Variants in SPATA9 observed in about 807,000 individuals in gnomAD.
SPATA9 encodes spermatogenesis-associated protein 9.
A neutral mutation model predicts 25.5 loss-of-function variants in SPATA9; 27 were observed. The observed-to-expected ratio is 1.06, with a 90% CI of 0.78 to 1.46. The LOEUF is 1.46. Among genes scored for constraint, SPATA9 ranks in the 40% most tolerant of loss-of-function variants. SPATA9 has a pLI of 0.00. For synonymous variants in SPATA9, 102 were observed against 105.7 expected (o/e 0.97, Z 0.21); for missense variants, 282 against 297.5 (o/e 0.95, Z 0.38).
chr5:95,718,765 C>G, the SPATA9 span, among the ~76,000 whole-genome samples: 1 of 152,156 alleles, frequency 6.6e-6, no homozygotes, highest in East Asian at 1.9e-4. Flanking sequence ...GCTATGAGAA[C>G]AGACAAGAGA....
chr5:95,652,943 C>G, downstream of SPATA9: 1 of 803,790 alleles, frequency 1.2e-6, no homozygotes, highest in Non-Finnish European at 1.8e-6. Flanking sequence ...TCACACTTTC[C>G]TGCTTTATAC....
At chr5:95,722,040 G>A in the SPATA9 span, among the ~76,000 whole-genome samples, 1 of 152,094 alleles carries the variant, frequency 6.6e-6, no homozygotes, top group Admixed American at 6.5e-5. Context: ...AGAAAAATGA[G>A]GACCAAATGT....
the SPATA9 span, among the ~76,000 whole-genome samples, chr5:95,729,831 T>C: frequency 6.6e-6 from 1 of 152,236 alleles, no homozygotes; most frequent in Non-Finnish European, 1.5e-5. Context: ...ATCCATGTTG[T>C]AGTTTATGAA....
chr5:95,732,041 C>T, the SPATA9 span: 7 of 1,614,038 alleles, frequency 4.3e-6, no homozygotes, highest in African/African-American at 1.3e-5. Flanking sequence ...CAGGCCAGTG[C>T]GTTTGGGAAT....
At chr5:95,692,126 GC>G (rs1753910320) in intron 1 of SPATA9, among the ~76,000 whole-genome samples, 5 of 151,686 alleles carry the variant, frequency 3.3e-5, no homozygotes, top group Admixed American at 3.3e-4. Flanking sequence ...TTGGTCTATG[GC>G]TTTTTTTTGT....
downstream of SPATA9, chr5:95,652,802 C>T (rs1011570844): frequency 3.0e-6 from 1 of 336,172 alleles, no homozygotes; most frequent in Admixed American, 4.6e-5. Flanking sequence ...TCCCCTACAG[C>T]ATCAACCCCC....
At chr5:95,709,796 A>G in the SPATA9 span, among the ~76,000 whole-genome samples, 2 of 152,082 alleles carry the variant, frequency 1.3e-5, no homozygotes, top group Non-Finnish European at 2.9e-5. Flanking sequence ...TCTTCTGGCA[A>G]GTTTTTTCGG....
intron 1 of SPATA9, among the ~76,000 whole-genome samples, chr5:95,694,760 A>G (rs1378078389): frequency 1.3e-5 from 2 of 152,242 alleles, no homozygotes; most frequent in Admixed American, 6.5e-5. Flanking sequence ...CCACTTTGAC[A>G]TAAGAATTAT....
intron 3 of SPATA9, among the ~76,000 whole-genome samples, chr5:95,669,253 T>C (rs1752119521): frequency 6.6e-6 from 1 of 152,202 alleles, no homozygotes; most frequent in South Asian, 2.1e-4. Flanking sequence ...CTGTATGTCT[T>C]CAAGAGCCCA....
At chr5:95,711,266 T>C in the SPATA9 span, among the ~76,000 whole-genome samples, 6 of 152,270 alleles carry the variant, frequency 3.9e-5, no homozygotes, top group African/African-American at 1.4e-4. Context: ...TATTGGCTGA[T>C]GCAAGGAAGT....
chr5:95,727,674 T>C, the SPATA9 span, among the ~76,000 whole-genome samples: 9 of 152,246 alleles, frequency 5.9e-5, no homozygotes, highest in East Asian at 1.2e-3. Flanking sequence ...TGAGAGAAAC[T>C]GCAAATACAT....
chr5:95,714,979 T>C, the SPATA9 span, among the ~76,000 whole-genome samples: 1 of 152,194 alleles, frequency 6.6e-6, no homozygotes, highest in Non-Finnish European at 1.5e-5. Flanking sequence ...CAATCCCAAT[T>C]AAAATCTTAA....
At chr5:95,729,150 G>A in the SPATA9 span, among the ~76,000 whole-genome samples, 1,416 of 152,314 alleles carry the variant, frequency 9.3e-3, 13 homozygotes, top group South Asian at 0.015. Flanking sequence ...TCTGCCTATG[G>A]AGTAGCCATT....
chr5:95,709,852 T>C, the SPATA9 span, among the ~76,000 whole-genome samples: 34,610 of 152,036 alleles, frequency 0.23, 4,195 homozygotes, highest in East Asian at 0.5. Flanking sequence ...GGCATTTACC[T>C]GGGCGCAGGT....
At chr5:95,684,541 T>C (rs1410016921), upstream of SPATA9, 2 of 152,246 alleles carry the variant, frequency 1.3e-5, no homozygotes, top group Non-Finnish European at 1.5e-5. Context: ...ACTTAAAGCA[T>C]AAGCAACTCT....
upstream of SPATA9, chr5:95,684,920 G>C (rs1455578822): frequency 6.6e-6 from 1 of 152,132 alleles, no homozygotes; most frequent in Non-Finnish European, 1.5e-5. Context: ...AGATTTATCT[G>C]TACTTAAAAG....
At chr5:95,712,061 C>T in the SPATA9 span, among the ~76,000 whole-genome samples, 1 of 152,066 alleles carries the variant, frequency 6.6e-6, no homozygotes, top group Non-Finnish European at 1.5e-5. Flanking sequence ...GGCTCCAACC[C>T]TTGCAAGGCC....
At chr5:95,706,174 T>C in the SPATA9 span, among the ~76,000 whole-genome samples, 1 of 151,388 alleles carries the variant, frequency 6.6e-6, no homozygotes, top group African/African-American at 2.4e-5. Context: ...GAATAAGGAG[T>C]GGATTCACTT....
chr5:95,718,759 T>C, the SPATA9 span, among the ~76,000 whole-genome samples: 2,246 of 152,228 alleles, frequency 0.015, 58 homozygotes, highest in African/African-American at 0.052. Context: ...AATGGGGCTA[T>C]GAGAACAGAC....
Sources: gnomAD v4.1 joint callset for allele counts (sites outside exome capture counted in the v4.1 genomes callset) on GRCh38, gnomAD v4.1.1 for gene constraint, MANE v1.5 for transcripts, NCBI Gene and HGNC (gene_info 2026-07-23, HGNC 2026-07-21) for gene names.